SLC35F4: variants seen among roughly 807,000 people sequenced by gnomAD.
SLC35F4 encodes the protein solute carrier family 35 member F4.
In SLC35F4, 24 loss-of-function variants were observed where a neutral mutation model predicts 44.2. The ratio of observed to expected loss-of-function variants is 0.54; its 90% CI spans 0.39 to 0.76. The LOEUF (loss-of-function observed/expected upper bound fraction) is 0.76. Among genes scored for constraint, SLC35F4 ranks in the 30% least tolerant of loss-of-function variants. The pLI is 0.00. For synonymous variants in SLC35F4, 238 were observed against 223.6 expected (o/e 1.06, Z -0.57); for missense variants, 562 against 586.1 (o/e 0.96, Z 0.42).
intron 1 of SLC35F4, among the ~76,000 whole-genome samples, chr14:57,978,374 G>A (rs1594667363): frequency 6.6e-6 from 1 of 152,142 alleles, no homozygotes; most frequent in Non-Finnish European, 1.5e-5. Flanking sequence ...CCTGCCCACA[G>A]TGCCTATGCC....
chr14:57,586,606 T>A (rs2069739770), intron 3 of SLC35F4, among the ~76,000 whole-genome samples: 1 of 149,008 alleles, frequency 6.7e-6, no homozygotes, highest in African/African-American at 2.5e-5. Context: ...TAGTCCCAGC[T>A]ACTCAGGAGG....
chr14:57,887,805 C>T (rs1056287796), intron 1 of SLC35F4, among the ~76,000 whole-genome samples: 17 of 152,150 alleles, frequency 1.1e-4, no homozygotes, highest in African/African-American at 3.4e-4. Flanking sequence ...GCCTCAACAG[C>T]GATACAAAGT....
chr14:57,777,387 T>C (rs991328684), intron 1 of SLC35F4, among the ~76,000 whole-genome samples: 1 of 152,184 alleles, frequency 6.6e-6, no homozygotes, highest in African/African-American at 2.4e-5. Flanking sequence ...CAAATGTCCA[T>C]CAATGATAGA....
chr14:57,750,090 G>A (rs2076847935), intron 1 of SLC35F4, among the ~76,000 whole-genome samples: 2 of 151,604 alleles, frequency 1.3e-5, no homozygotes, highest in African/African-American at 4.9e-5. Context: ...ACTCTCTATG[G>A]CCATATGTAC....
chr14:57,835,547 C>CA (rs573972350), intron 1 of SLC35F4, among the ~76,000 whole-genome samples: 227 of 152,250 alleles, frequency 1.5e-3, no homozygotes, highest in African/African-American at 5.2e-3. Flanking sequence ...GAACAATACG[C>CA]AAAATGTGAC....
chr14:57,703,627 C>T (rs954256658), intron 1 of SLC35F4, among the ~76,000 whole-genome samples: 2 of 152,202 alleles, frequency 1.3e-5, no homozygotes, highest in Non-Finnish European at 2.9e-5. Context: ...ACAGCAACCT[C>T]ATCCTTAAGC....
At chr14:57,918,529 A>T (rs1487704774) in intron 1 of SLC35F4, among the ~76,000 whole-genome samples, 1 of 152,182 alleles carries the variant, frequency 6.6e-6, no homozygotes. Flanking sequence ...AGCTTCTTAC[A>T]TGTCAGACCA....
chr14:57,839,068 C>T (rs1351723174), intron 1 of SLC35F4, among the ~76,000 whole-genome samples: 2 of 152,052 alleles, frequency 1.3e-5, no homozygotes, highest in African/African-American at 4.8e-5. Context: ...CATTTAATGT[C>T]AGTCTAGGGA....
intron 1 of SLC35F4, among the ~76,000 whole-genome samples, chr14:57,650,906 G>A (rs375215562): frequency 6.6e-6 from 1 of 152,090 alleles, no homozygotes; most frequent in East Asian, 1.9e-4. Context: ...CTCAGCTCCT[G>A]GCATGGCTGG....
At chr14:57,588,460 C>A (rs1371563836) in intron 3 of SLC35F4, among the ~76,000 whole-genome samples, 1 of 152,060 alleles carries the variant, frequency 6.6e-6, no homozygotes, top group African/African-American at 2.4e-5. Context: ...GGTACTTGGA[C>A]CCAAATGCTG....
intron 7 of SLC35F4, among the ~76,000 whole-genome samples, chr14:57,565,002 G>T (rs1013999160): frequency 5.9e-5 from 9 of 152,144 alleles, no homozygotes; most frequent in Admixed American, 4.6e-4. Flanking sequence ...CATTCTCTGT[G>T]TTCTTTCGTG....
At chr14:57,618,637 G>A (rs1361082321) in intron 1 of SLC35F4, among the ~76,000 whole-genome samples, 1 of 152,220 alleles carries the variant, frequency 6.6e-6, no homozygotes, top group African/African-American at 2.4e-5. Context: ...CAAGTTAGCT[G>A]CAGGAGTTTT....
At chr14:57,629,978 T>C (rs764804090) in intron 1 of SLC35F4, 27 of 524,912 alleles carry the variant, frequency 5.1e-5, no homozygotes, top group South Asian at 3.8e-4. Flanking sequence ...TATGAAGATT[T>C]ACAGTGTGAA....
At chr14:57,964,062 T>A (rs1890388194) in intron 1 of SLC35F4, among the ~76,000 whole-genome samples, 1 of 151,964 alleles carries the variant, frequency 6.6e-6, no homozygotes, top group African/African-American at 2.4e-5. Context: ...TCAGGAGCAA[T>A]TGTAGTTGAG....
intron 1 of SLC35F4, among the ~76,000 whole-genome samples, chr14:57,700,177 G>A (rs2075497439): frequency 6.6e-6 from 1 of 152,140 alleles, no homozygotes; most frequent in African/African-American, 2.4e-5. Flanking sequence ...TACATACCTA[G>A]GCTATATGGT....
intron 1 of SLC35F4, among the ~76,000 whole-genome samples, chr14:57,762,503 A>G (rs190233404): frequency 4.6e-5 from 7 of 152,322 alleles, no homozygotes; most frequent in Non-Finnish European, 5.9e-5. Context: ...TACTAATTGT[A>G]GAAAACAGAG....
chr14:57,585,516 A>G (rs2069641786), intron 3 of SLC35F4, among the ~76,000 whole-genome samples: 1 of 152,224 alleles, frequency 6.6e-6, no homozygotes, highest in African/African-American at 2.4e-5. Context: ...AGAAAAAAAT[A>G]AAGGGTATCC....
At chr14:57,764,718 C>T (rs2077197289) in intron 1 of SLC35F4, among the ~76,000 whole-genome samples, 1 of 152,082 alleles carries the variant, frequency 6.6e-6, no homozygotes, top group Non-Finnish European at 1.5e-5. Flanking sequence ...TAGCAGATGA[C>T]CTTGGTTTAG....
At chr14:57,682,117 G>C (rs75186349) in intron 1 of SLC35F4, among the ~76,000 whole-genome samples, 22,393 of 152,032 alleles carry the variant, frequency 0.15, 1,875 homozygotes, top group East Asian at 0.29. Flanking sequence ...ACTAGAAATA[G>C]CATTTGACCC....
Sources: gnomAD v4.1 joint callset for allele counts (sites outside exome capture counted in the v4.1 genomes callset) on GRCh38, gnomAD v4.1.1 for gene constraint, MANE v1.5 for transcripts, NCBI Gene and HGNC (gene_info 2026-07-23, HGNC 2026-07-21) for gene names.